The following PFKP variants were observed in gnomAD, a reference collection of about 807,000 sequenced individuals.
The protein encoded by PFKP is ATP-dependent 6-phosphofructokinase, platelet type.
A neutral mutation model predicts 94.3 loss-of-function variants in PFKP; 101 were observed. The ratio of observed to expected loss-of-function variants is 1.07; its 90% CI spans 0.91 to 1.26. PFKP has a LOEUF of 1.26. Among genes scored for constraint, PFKP ranks in the 50% most tolerant of loss-of-function variants. The pLI is 0.00. For missense variants in PFKP, 1,145 were observed against 1,103.3 expected (o/e 1.04, Z -0.53); for synonymous variants, 573 against 432.6 (o/e 1.32, Z -4.03).
At position 3,129,841 on chromosome 10, in the gene PFKP, C is replaced by G; in HGVS notation, c.1706C>G (p.Ser569Cys). The G allele has an allele frequency of 6.2e-7, 1 of 1,613,600 alleles. No individual in the cohort carries two copies. Among genetic ancestry groups the G allele is most frequent in the Non-Finnish European group, 8.5e-7 (1 of 1,179,986 alleles). Residue 569 changes from serine (S) to cysteine (C), a missense_variant, in exon 17 of 22, where the codon TCC becomes TGC. This residue lies in a region of PFKP where 1,119 missense variants were observed against 1,062.8 expected (regional missense o/e 1.05). Coordinates refer to ENST00000381125, the MANE Select transcript of PFKP (RefSeq NM_002627.5). ...ITDTCDRIKQ[S>C]ASGTKRRVFI... ...CAGACCTGCGACCGCATCAAGCAGT[C>G]CGCCAGCGGAACCAAGCGGCGCGTG... is the stretch of plus-strand genomic sequence containing the variant.
chr10:3,130,628 C>T (rs1045105742), intron 17 of PFKP, among the ~76,000 whole-genome samples: 18 of 152,170 alleles, frequency 1.2e-4, no homozygotes, highest in Admixed American at 6.5e-4. Context: ...GGCGTGGTCT[C>T]GGCTTACTGC....
rs1004290669 is a variant in PFKP, at chr10:3,089,004, T to C, written c.186+6543T>C. ...TGGAGTGCAATGGCCCAGTCTTCGC[T>C]CACTGCAACCTCTGCCTCCCGGGTT... is the stretch of plus-strand genomic sequence containing the variant. On this transcript the variant is annotated intron_variant, in intron 2 of 21. Transcript: ENST00000381125. Among the ~76,000 whole-genome samples the C allele has an allele frequency of 1.4e-4, 21 of 152,202 alleles. 2 individuals carry two copies. The highest frequency in any genetic ancestry group is 1.3e-4 in the Admixed American group (2 of 15,284).
At position 3,120,971 on chromosome 10, in the gene PFKP, T is replaced by G. The variant is rs188333857; in HGVS notation, c.1683+927T>G. ...TTGTAGTAATTCTCAAGTTTTAATT[T>G]TTCTTGTGAGACTTGGTTCTCATGA... On this transcript the variant is annotated intron_variant, in intron 16 of 21. Transcript: ENST00000381125. Among the ~76,000 whole-genome samples, 7 of 152,364 alleles carry G rather than the reference T, an allele frequency of 4.6e-5. No homozygotes were observed. The East Asian group carries it at 1.4e-3, about 29-fold the overall frequency.
In PFKP at chr10:3,095,454, G is replaced by A. The variant is rs150363553; in HGVS notation, c.187-3821G>A. ...CTTAGATGTGATCGAATGACTCAACGTAAAAAATTCTGTCCGACGATGGAT... is the reference window on the plus strand; with the variant it reads ...CTTAGATGTGATCGAATGACTCAACATAAAAAATTCTGTCCGACGATGGAT... On this transcript the variant is annotated intron_variant, in intron 2 of 21. Coordinates refer to ENST00000381125, the MANE Select transcript of PFKP (RefSeq NM_002627.5). 1.3e-3 allele frequency among the ~76,000 whole-genome samples: 196 copies of A among 152,324 alleles called. 2 individuals carry two copies. The highest frequency in any genetic ancestry group is 4.5e-3 in the African/African-American group (185 of 41,572).
intron 2 of PFKP, among the ~76,000 whole-genome samples, chr10:3,093,638 C>CT (rs765547765): frequency 0.022 from 2,077 of 93,988 alleles, 107 homozygotes; most frequent in South Asian, 0.039. Context: ...CAAGCATTAT[C>CT]TTTTTTTTTT....
Position 3,123,531 on chromosome 10 carries a change from G to GC in PFKP, c.1683+3490dup, listed in dbSNP as rs551248196. Among the ~76,000 whole-genome samples the GC allele has an allele frequency of 1.4e-3, 210 of 152,244 alleles. 1 individual carries two copies. Among genetic ancestry groups the GC allele is most frequent in the African/African-American group, 4.9e-3 (204 of 41,542 alleles). On this transcript the variant is annotated intron_variant, in intron 16 of 21. Coordinates refer to ENST00000381125, the MANE Select transcript of PFKP (RefSeq NM_002627.5). ...AGTTAAGCTGCCGAGACCCCCACCT[G>GC]CCCTCCTGTGTGCCTCAGGCCCCTC...
chr10:3,115,776 T>G (rs1033452250), intron 13 of PFKP, among the ~76,000 whole-genome samples: 4 of 152,182 alleles, frequency 2.6e-5, no homozygotes, highest in Non-Finnish European at 5.9e-5. Context: ...GGTCCAGGAC[T>G]GATTCCTCAG....
At chr10:3,074,487 G>A (rs1358747979) in intron 1 of PFKP, among the ~76,000 whole-genome samples, 1 of 152,222 alleles carries the variant, frequency 6.6e-6, no homozygotes, top group African/African-American at 2.4e-5. Flanking sequence ...TTGTGGAGAG[G>A]AGAGGAGGGG....
intron 2 of PFKP, among the ~76,000 whole-genome samples, chr10:3,099,010 C>T (rs754940738): frequency 3.9e-5 from 6 of 152,116 alleles, no homozygotes; most frequent in Non-Finnish European, 8.8e-5. Context: ...TCTCGGGAAA[C>T]GCTGGGCCAT....
At chr10:3,104,799 A>C in intron 5 of PFKP, 1 of 433,522 alleles carries the variant, frequency 2.3e-6, no homozygotes, top group Non-Finnish European at 4.1e-6. Context: ...GTATCTGGGA[A>C]AGAGCCCAGC....
At chr10:3,120,812 AC>A (rs1837328234) in intron 16 of PFKP, among the ~76,000 whole-genome samples, 2 of 152,272 alleles carry the variant, frequency 1.3e-5, no homozygotes, top group South Asian at 4.2e-4. Flanking sequence ...GGCATGTGCC[AC>A]CATTCCCGGC....
At chr10:3,119,863 G>A (rs371721280) in intron 15 of PFKP, 29 bp from the exon 16 acceptor site, 32 of 1,611,214 alleles carry the variant, frequency 2.0e-5, no homozygotes, top group South Asian at 5.5e-5. Context: ...CTTCCCTCTC[G>A]CCCCACAACT....
chr10:3,097,421 C>T (rs1834580444), intron 2 of PFKP, among the ~76,000 whole-genome samples: 1 of 152,120 alleles, frequency 6.6e-6, no homozygotes, highest in Admixed American at 6.6e-5. Flanking sequence ...ATCTGCACTG[C>T]AAGGGAAATC....
chr10:3,074,787 A>T (rs1832453378), intron 1 of PFKP, among the ~76,000 whole-genome samples: 1 of 152,208 alleles, frequency 6.6e-6, no homozygotes, highest in Non-Finnish European at 1.5e-5. Flanking sequence ...TCAATAGGAG[A>T]TTAATTAATT....
rs375269276 is a variant in PFKP at position 3,113,450 on chromosome 10, G to T, written c.1303G>T (p.Val435Leu). The T allele has an allele frequency of 8.7e-6, 14 of 1,612,546 alleles. No individual in the cohort carries two copies. In the Admixed American group the frequency reaches 2.3e-4, roughly 27 times the overall value. The change falls in exon 13 of 22, where the codon GTG becomes TTG. Residue 435 changes from valine (V) to leucine (L), a missense_variant. Transcript: ENST00000381125. The part of the protein sequence containing the change: ...MNAAVRSAVR[V>L]GIADGHRMLA... ...CGCAGCCGTACGCTCAGCTGTGCGC[G>T]TGGGCATTGCCGACGGCCACAGGAT...
Position 3,101,515 on chromosome 10 carries a change from A to G in PFKP, c.415A>G (p.Lys139Glu), listed in dbSNP as rs746690616. The change falls in exon 4 of 22, where the codon AAG becomes GAG. Residue 139 changes from lysine (K) to glutamate (E), a missense_variant. This residue lies in a region of PFKP where 1,119 missense variants were observed against 1,062.8 expected (regional missense o/e 1.05). Transcript: ENST00000381125. ...CCTCACCGGGGCCAACCTCTTCCGG[A>G]AGGAGTGGAGTGGGCTGCTGGAGGA... is the stretch of plus-strand genomic sequence containing the variant. Reference protein sequence around the residue: ...GSLTGANLFRKEWSGLLEELA... With the variant: ...GSLTGANLFREEWSGLLEELA... 1.4e-5 allele frequency: 22 copies of G among 1,585,982 alleles called. No individual in the cohort carries two copies. Among genetic ancestry groups the G allele is most frequent in the Non-Finnish European group, 1.8e-5 (21 of 1,165,076 alleles).
At chr10:3,076,104 A>G (rs1162119481) in intron 1 of PFKP, among the ~76,000 whole-genome samples, 1 of 152,078 alleles carries the variant, frequency 6.6e-6, no homozygotes, top group African/African-American at 2.4e-5. Context: ...ATAACAATCA[A>G]TTATTGTAGA....
At chr10:3,128,510 C>G (rs980272509) in intron 16 of PFKP, among the ~76,000 whole-genome samples, 1 of 152,252 alleles carries the variant, frequency 6.6e-6, no homozygotes, top group African/African-American at 2.4e-5. Flanking sequence ...AATACTCTCT[C>G]CCACAGCTCT....
At chr10:3,119,617 C>T in intron 15 of PFKP, among the ~76,000 whole-genome samples, 1 of 152,166 alleles carries the variant, frequency 6.6e-6, no homozygotes, top group Admixed American at 6.5e-5. Context: ...AAAACAAAAA[C>T]AAAAACAAAG....
Sources: gnomAD v4.1 joint callset for allele counts (sites outside exome capture counted in the v4.1 genomes callset) on GRCh38, gnomAD v4.1.1 for gene constraint, gnomAD v4.1.1 regional missense constraint, MANE v1.5 for transcripts, NCBI Gene and HGNC (gene_info 2026-07-23, HGNC 2026-07-21) for gene names.